The following PREB variants were observed in gnomAD, a reference collection of about 807,000 sequenced individuals.
PREB encodes the protein prolactin regulatory element binding.
Under a neutral mutation model 46.7 loss-of-function variants are expected in PREB, and 29 were observed. The observed-to-expected ratio is 0.62, with a 90% CI of 0.46 to 0.85. The LOEUF (loss-of-function observed/expected upper bound fraction) is 0.85, where lower values mean the gene tolerates loss of function less well. Ranked by LOEUF, PREB falls within the 40% of genes least tolerant of loss-of-function variation. The pLI is 0.00. For missense variants in PREB, 494 were observed against 528.4 expected (o/e 0.93, Z 0.64); for synonymous variants, 224 against 220.1 (o/e 1.02, Z -0.16).
Position 27,131,461 on chromosome 2 carries a change from T to C in PREB, c.1207A>G (p.Ile403Val). 6.4e-7 allele frequency: 1 copy of C among 1,573,408 alleles called. No homozygotes were observed. Among genetic ancestry groups the C allele is most frequent in the South Asian group, 1.2e-5 (1 of 86,282 alleles). The change falls in exon 9 of 9, where the codon ATT (isoleucine) becomes GTT (valine). Residue 403 changes from isoleucine (I) to valine (V), a missense_variant. By Grantham distance (29) the Ile-to-Val change is conservative (BLOSUM62 3). Coordinates refer to ENST00000260643, the MANE Select transcript of PREB (RefSeq NM_013388.6). ...CTCTGGAGCAGCAGGATGGTCACAA[T>C]AATAAGCCCGACACACAGCAGGAGC... ...LLLLLCVGLI[I>V]VTILLLQSAF...
At position 27,133,240 on chromosome 2, in the gene PREB, T is replaced by C. The variant is rs1424166395; in HGVS notation, c.423A>G (p.Val141=). 1 of 1,613,910 alleles carries C rather than the reference T, an allele frequency of 6.2e-7. No individual in the cohort carries two copies. Among genetic ancestry groups the C allele is most frequent in the East Asian group, 2.2e-5 (1 of 44,888 alleles). The change falls in exon 3 of 9, where the codon GTA becomes GTG. Residue 141 remains valine (V), a synonymous_variant. Coordinates refer to ENST00000260643, the MANE Select transcript of PREB (RefSeq NM_013388.6). The part of the protein sequence containing the change: ...ETQHEGLELR[V]ENLQAVQTDF... Reference sequence around the variant, plus strand: ...CTGTCTGCACCGCCTGCAAATTCTCTACCCTGAGTTCTAGCCCCTCGTGCT... The same window carrying C: ...CTGTCTGCACCGCCTGCAAATTCTCCACCCTGAGTTCTAGCCCCTCGTGCT...
Position 27,130,774 on chromosome 2 carries a change from T to C in PREB, c.*640A>G, listed in dbSNP as rs1672216075. On this transcript the variant is annotated 3_prime_UTR_variant, in exon 9 of 9. Transcript: ENST00000260643. ...AGTACCATTTGGGGTCTCAGTTCACTCTTTCCTTGTTTATTAAATATCAAC... is the reference window on the plus strand; with the variant it reads ...AGTACCATTTGGGGTCTCAGTTCACCCTTTCCTTGTTTATTAAATATCAAC... 1 of 1,599,742 alleles carries C rather than the reference T, an allele frequency of 6.3e-7. No homozygotes were observed. Among genetic ancestry groups the C allele is most frequent in the Admixed American group, 1.7e-5 (1 of 59,754 alleles).
intron 1 of PREB, 194 bp downstream of exon 1, chr2:27,134,093 T>A: frequency 1.3e-6 from 1 of 777,186 alleles, no homozygotes; most frequent in Non-Finnish European, 2.0e-6. Context: ...GTTTTCACTT[T>A]ACCTTAAAAG....
Position 27,132,026 on chromosome 2 carries a change from A to G in PREB, c.983T>C (p.Ile328Thr), listed in dbSNP as rs1222746233. ...GTVTGSVAIY[I>T]AFSLQCLYYV... The stretch of plus-strand genomic sequence containing the variant: ...ACCCATTACCTGGAGAGAGAAAGCT[A>G]TGTAGATGGCAACAGAGCCAGTGAC... Residue 328 changes from isoleucine (I) to threonine (T), a missense_variant, in exon 7 of 9, where the codon ATA (isoleucine) becomes ACA (threonine). By Grantham distance (89) the Ile-to-Thr change is moderately conservative. Coordinates refer to ENST00000260643, the MANE Select transcript of PREB (RefSeq NM_013388.6). This position sits in a 1 kb window ranked among gnomAD's most constrained non-coding sequence, Gnocchi z 4.0. 1 of 1,613,936 alleles carries G rather than the reference A, an allele frequency of 6.2e-7. No individual in the cohort carries two copies. Among genetic ancestry groups the G allele is most frequent in the Admixed American group, 1.7e-5 (1 of 60,004 alleles).
In PREB at chr2:27,132,888, G is replaced by A. The variant is rs1161959227; in HGVS notation, c.582C>T (p.Ala194=). 2.5e-6 allele frequency: 4 copies of A among 1,613,794 alleles called. No homozygotes were observed. The highest frequency in any genetic ancestry group is 4.5e-5 in the East Asian group (2 of 44,884). The change falls in exon 4 of 9, where the codon GCC becomes GCT. Residue 194 remains alanine, a synonymous_variant. Transcript: ENST00000260643. The surrounding 1 kb of genome is among the most constrained non-coding windows in gnomAD (Gnocchi z 4.0). ...CCAGGTCTTCAATCTCCCCTTCGTG[G>A]GCTTTGAACTCCAGAACCTTCTCCA... ...PSLEKVLEFK[A]HEGEIEDLAL... is the part of the protein sequence containing the mutation.
At chr2:27,134,095 C>G in intron 1 of PREB, 192 bp downstream of exon 1, 3 of 790,452 alleles carry the variant, frequency 3.8e-6, no homozygotes, top group Non-Finnish European at 5.8e-6. Context: ...TTTCACTTTA[C>G]CTTAAAAGCC....
In PREB at chr2:27,131,660, C is replaced by A; in HGVS notation, c.1159+12G>T. On this transcript the variant is annotated intron_variant, in intron 8 of 8. Transcript: ENST00000260643. ...TGGGGTGGTGCCTGCCTGCCCTGCC[C>A]CAATGACTCACGCCGTGAGGGCAAC... The A allele has an allele frequency of 6.8e-6, 11 of 1,613,464 alleles. No homozygotes were observed. The highest frequency in any genetic ancestry group is 9.3e-6 in the Non-Finnish European group (11 of 1,179,654).
chr2:27,133,483 C>T (rs747787510), intron 2 of PREB, 49 bp downstream of exon 2: 91 of 1,599,122 alleles, frequency 5.7e-5, no homozygotes, highest in Non-Finnish European at 7.6e-5. Context: ...CAAGAGTGAC[C>T]TTACTCGTTC....
At position 27,131,050 on chromosome 2, in the gene PREB, T is replaced by G; in HGVS notation, c.*364A>C. The G allele has an allele frequency of 1.9e-6, 1 of 520,912 alleles. No individual in the cohort carries two copies. The highest frequency in any genetic ancestry group is 3.4e-6 in the Non-Finnish European group (1 of 290,266). The allele number at this position is 520,912 out of a possible 1,614,324, so 32.3% of individuals were successfully genotyped here. A position where few individuals can be genotyped will look rare whatever the true frequency, so the allele number is the denominator to read the frequency against. The stretch of plus-strand genomic sequence containing the variant: ...CAAGGCTGAGGGGAGGAGGAGAAAC[T>G]GTTTCTGCAGGAAGGACAGCAGTGC... On this transcript the variant is annotated 3_prime_UTR_variant, in exon 9 of 9. Transcript: ENST00000260643.
intron 1 of PREB, 140 bp from the exon 2 acceptor site, chr2:27,133,861 G>GCGA: frequency 2.7e-6 from 2 of 754,502 alleles, no homozygotes; most frequent in Non-Finnish European, 2.0e-6. Flanking sequence ...TCTCATTTGG[G>GCGA]CCTCACAAAT....
In PREB at chr2:27,132,784, A is replaced by C. The variant is rs1572347661; in HGVS notation, c.628-57T>G. The stretch of plus-strand genomic sequence containing the variant: ...AGTTAGGGGATCCACTTACTGGGCA[A>C]GCAGCATAAGCACCTCCTCTCTCCT... On this transcript the variant is annotated intron_variant, in intron 4 of 8. Coordinates refer to ENST00000260643, the MANE Select transcript of PREB (RefSeq NM_013388.6). The surrounding 1 kb of genome is among the most constrained non-coding windows in gnomAD (Gnocchi z 4.0). The C allele has an allele frequency of 1.9e-6, 3 of 1,613,302 alleles. No individual in the cohort carries two copies. Among genetic ancestry groups the C allele is most frequent in the Admixed American group, 3.3e-5 (2 of 59,998 alleles).
Position 27,132,880 on chromosome 2 carries a change from C to A in PREB, c.590G>T (p.Gly197Val), listed in dbSNP as rs1672342050. The change falls in exon 4 of 9, where the codon GGG becomes GTG. Residue 197 changes from glycine (G) to valine (V), a missense_variant. By Grantham distance (109) the Gly-to-Val change is moderately radical (BLOSUM62 -3). Coordinates refer to ENST00000260643, the MANE Select transcript of PREB (RefSeq NM_013388.6). This position sits in a 1 kb window ranked among gnomAD's most constrained non-coding sequence, Gnocchi z 4.0. ...CCCTAAAGCCAGGTCTTCAATCTCC[C>A]CTTCGTGGGCTTTGAACTCCAGAAC... is the stretch of plus-strand genomic sequence containing the variant. ...EKVLEFKAHE[G>V]EIEDLALGPD... is the part of the protein sequence containing the mutation. The A allele has an allele frequency of 6.2e-7, 1 of 1,614,118 alleles. No homozygotes were observed.
chr2:27,132,465 G>A lies in PREB; in HGVS notation c.753-62C>T. The stretch of plus-strand genomic sequence containing the variant: ...CCTGCCCAACCCTCCTCAGAGGTTT[G>A]TGCACCACCTGCACCCTGGTCAGAC... On this transcript the variant is annotated intron_variant, in intron 5 of 8. Coordinates refer to ENST00000260643, the MANE Select transcript of PREB (RefSeq NM_013388.6). This position sits in a 1 kb window ranked among gnomAD's most constrained non-coding sequence, Gnocchi z 4.0. 1 of 1,591,284 alleles carries A rather than the reference G, an allele frequency of 6.3e-7. No individual in the cohort carries two copies. Among genetic ancestry groups the A allele is most frequent in the South Asian group, 1.1e-5 (1 of 88,862 alleles).
Position 27,134,314 on chromosome 2 carries a change from G to C in PREB, c.108C>G (p.Ala36=). The C allele has an allele frequency of 1.9e-6, 3 of 1,610,060 alleles. No individual in the cohort carries two copies. Among genetic ancestry groups the C allele is most frequent in the Non-Finnish European group, 2.5e-6 (3 of 1,178,980 alleles). ...GLLIAAGGGG[A]AKTGIKNGVH... ...CGCCATTCTTTATGCCTGTCTTGGC[G>C]GCGCCTCCTCCGCCCGCAGCGATGA... is the stretch of plus-strand genomic sequence containing the variant. The change falls in exon 1 of 9, where the codon GCC becomes GCG. Residue 36 remains alanine (A), a synonymous_variant. Coordinates refer to ENST00000260643, the MANE Select transcript of PREB (RefSeq NM_013388.6).
chr2:27,133,506 A>G, intron 2 of PREB, 26 bp downstream of exon 2: 1 of 1,608,222 alleles, frequency 6.2e-7, no homozygotes, highest in Non-Finnish European at 8.5e-7. Flanking sequence ...CCCTTTCCCC[A>G]AGGGGGTAGA....
In PREB at chr2:27,134,593, GC is replaced by G. The variant is rs1322372803; in HGVS notation, c.-173del. The G allele has an allele frequency of 1.4e-4, 184 of 1,341,382 alleles. No individual in the cohort carries two copies. Among genetic ancestry groups the G allele is most frequent in the South Asian group, 4.2e-4 (22 of 52,556 alleles). The allele number at this position is 1,341,382 out of a possible 1,614,324, so 83.1% of individuals were successfully genotyped here. On this transcript the variant is annotated 5_prime_UTR_variant, in exon 1 of 9. Transcript: ENST00000260643. ...ACCCTGACCATCAGCAGGAAGCCGA[GC>G]CTCAGCTCGGCTCCGTCCAAGTCGG...
In PREB at chr2:27,134,617, C is replaced by T. The variant is rs1672429988; in HGVS notation, c.-196G>A. 4 of 1,305,216 alleles carry T rather than the reference C, an allele frequency of 3.1e-6. No homozygotes were observed. The highest frequency in any genetic ancestry group is 8.1e-5 in the Admixed American group (2 of 24,742). 80.9% of individuals were successfully genotyped at this position (1,305,216 alleles called of 1,614,324 possible). ...AGCCTCAGCTCGGCTCCGTCCAAGT[C>T]GGTCTCGCAGACGCGCACTGCGCAT... is the stretch of plus-strand genomic sequence containing the variant. On this transcript the variant is annotated 5_prime_UTR_variant, in exon 1 of 9. Coordinates refer to ENST00000260643, the MANE Select transcript of PREB (RefSeq NM_013388.6).
rs926903370 is a variant in PREB at position 27,134,308 on chromosome 2, C to G, written c.114G>C (p.Lys38Asn). The G allele has an allele frequency of 6.2e-7, 1 of 1,610,366 alleles. No homozygotes were observed. Among genetic ancestry groups the G allele is most frequent in the Non-Finnish European group, 8.5e-7 (1 of 1,179,018 alleles). ...TCACCACGCCATTCTTTATGCCTGT[C>G]TTGGCGGCGCCTCCTCCGCCCGCAG... ...LIAAGGGGAA[K>N]TGIKNGVHFL... Residue 38 changes from lysine (K) to asparagine (N), a missense_variant, in exon 1 of 9, where the codon AAG becomes AAC. Transcript: ENST00000260643.
rs1055654159 is a variant in PREB at position 27,131,141 on chromosome 2, T to C, written c.*273A>G. 10 of 537,420 alleles carry C rather than the reference T, an allele frequency of 1.9e-5. No homozygotes were observed. The highest frequency in any genetic ancestry group is 3.3e-5 in the Non-Finnish European group (10 of 301,560). 33.3% of individuals were successfully genotyped at this position (537,420 alleles called of 1,614,324 possible). ...ACAAGCTCAACTCTGGAGCCTCTGG[T>C]AGGCAGAAGAAAGGAGGCAGGGAGT... On this transcript the variant is annotated 3_prime_UTR_variant, in exon 9 of 9. Coordinates refer to ENST00000260643, the MANE Select transcript of PREB (RefSeq NM_013388.6).
Sources: allele counts gnomAD v4.1 joint callset, GRCh38; gene constraint gnomAD v4.1.1; non-coding constraint Gnocchi (gnomAD v3.1); transcripts MANE v1.5; gene names NCBI Gene and HGNC (gene_info 2026-07-23, HGNC 2026-07-21).